The following TNKS variants were observed in gnomAD, a reference collection of about 807,000 sequenced individuals.
TNKS encodes the protein tankyrase, also known as poly [ADP-ribose] polymerase tankyrase-1.
TNKS carries 72 observed loss-of-function variants against 135.8 expected under a neutral mutation model. The observed-to-expected ratio is 0.53, with a 90% CI of 0.44 to 0.64. The LOEUF (loss-of-function observed/expected upper bound fraction) is 0.64. Among genes scored for constraint, TNKS ranks in the 30% least tolerant of loss-of-function variants. The pLI is 0.00. For missense variants in TNKS, 1,769 were observed against 1,674.0 expected, an observed-to-expected ratio of 1.06 and a Z score of -0.99; for synonymous variants, 849 against 649.3, an observed-to-expected ratio of 1.31 and a Z score of -4.68.
At chr8:9,623,925 C>G (rs193147257) in intron 3 of TNKS, among the ~76,000 whole-genome samples, 1 of 152,092 alleles carries the variant, frequency 6.6e-6, no homozygotes, top group East Asian at 1.9e-4. Flanking sequence ...TTGCTTGAAC[C>G]CGGGAGGCAG....
At chr8:9,647,875 A>G (rs1800975043) in intron 3 of TNKS, among the ~76,000 whole-genome samples, 1 of 152,234 alleles carries the variant, frequency 6.6e-6, no homozygotes, top group Non-Finnish European at 1.5e-5. Flanking sequence ...TAGATGGTAT[A>G]GCGTACTACA....
At chr8:9,617,459 C>T (rs1458088573) in intron 3 of TNKS, among the ~76,000 whole-genome samples, 1 of 152,176 alleles carries the variant, frequency 6.6e-6, no homozygotes, top group Non-Finnish European at 1.5e-5. Flanking sequence ...AAATGATCTA[C>T]AGCTTTTCAG....
Position 9,764,721 on chromosome 8 carries a change from A to G in TNKS, c.3378A>G (p.Gln1126=). ...KEYQSVEEEM[Q]STIREHRDGG... is the part of the protein sequence containing the mutation. ...TTAGTTATTTTGTTCTGTAGATGCA[A>G]AGTACTATTCGAGAACACAGAGATG... The change falls in exon 23 of 27, where the codon CAA becomes CAG. Residue 1126 remains glutamine (Q), a synonymous_variant. Coordinates refer to ENST00000310430, the MANE Select transcript of TNKS (RefSeq NM_003747.3). 6.3e-7 allele frequency: 1 copy of G among 1,594,990 alleles called. No individual in the cohort carries two copies.
intron 5 of TNKS, among the ~76,000 whole-genome samples, chr8:9,682,503 A>G (rs913455524): frequency 6.6e-6 from 1 of 152,136 alleles, no homozygotes; most frequent in Non-Finnish European, 1.5e-5. Flanking sequence ...TACTTCCTTT[A>G]ACTAGAACCA....
chr8:9,698,288 G>C (rs554868809), intron 5 of TNKS, among the ~76,000 whole-genome samples: 78 of 148,930 alleles, frequency 5.2e-4, no homozygotes, highest in African/African-American at 1.9e-3. Flanking sequence ...CTACCTATTG[G>C]GTACCATGCT....
intron 13 of TNKS, among the ~76,000 whole-genome samples, chr8:9,729,567 G>T: frequency 6.6e-6 from 1 of 152,206 alleles, no homozygotes; most frequent in South Asian, 2.1e-4. Context: ...GTAGCAGAAA[G>T]ACTAAGAGGT....
At chr8:9,719,183 G>C (rs75728252) in intron 11 of TNKS, among the ~76,000 whole-genome samples, 1,826 of 152,190 alleles carry the variant, frequency 0.012, 38 homozygotes, top group African/African-American at 0.041. Flanking sequence ...TGGGAGTTTT[G>C]TGAAAGACCA....
intron 11 of TNKS, among the ~76,000 whole-genome samples, chr8:9,712,967 G>A (rs1207261420): frequency 5.3e-5 from 8 of 152,000 alleles, no homozygotes; most frequent in South Asian, 2.1e-4. Context: ...TTCTCTTTGT[G>A]TAAGTTTTAT....
chr8:9,573,972 T>A (rs1010618443), intron 1 of TNKS, among the ~76,000 whole-genome samples: 1 of 152,188 alleles, frequency 6.6e-6, no homozygotes, highest in Non-Finnish European at 1.5e-5. Flanking sequence ...ATGCTGAACA[T>A]AAGTGAATGG....
intron 6 of TNKS, 106 bp from the exon 7 acceptor site, chr8:9,706,081 T>TTTTAAAATA: frequency 3.1e-6 from 2 of 643,696 alleles, no homozygotes; most frequent in Non-Finnish European, 4.9e-6. Context: ...CTTTTAAATA[T>TTTTAAAATA]TTTAAAATAA....
At chr8:9,770,632 C>A (rs527701926) in intron 26 of TNKS, among the ~76,000 whole-genome samples, 2 of 151,702 alleles carry the variant, frequency 1.3e-5, no homozygotes, top group Admixed American at 1.3e-4. Flanking sequence ...CAGGATTTGT[C>A]CAAAAACAAA....
intron 25 of TNKS, among the ~76,000 whole-genome samples, chr8:9,768,144 A>G (rs1807578056): frequency 6.6e-6 from 1 of 152,142 alleles, no homozygotes; most frequent in African/African-American, 2.4e-5. Flanking sequence ...AATTAGACAC[A>G]CAAGTTTAAG....
At chr8:9,773,577 A>G (rs1262715882) in intron 26 of TNKS, among the ~76,000 whole-genome samples, 2 of 152,194 alleles carry the variant, frequency 1.3e-5, no homozygotes, top group Admixed American at 1.3e-4. Context: ...CAAAGAAATA[A>G]TAAGGAATAC....
Position 9,594,397 on chromosome 8 carries a change from A to G in TNKS, c.898+14014A>G, listed in dbSNP as rs1369276348. Among the ~76,000 whole-genome samples, 3 of 152,188 alleles carry G rather than the reference A, an allele frequency of 2.0e-5. No homozygotes were observed. In the East Asian group the frequency reaches 5.8e-4, roughly 29 times the overall value. On this transcript the variant is annotated intron_variant, in intron 2 of 26. Transcript: ENST00000310430. ...AAATCAATTACAGTTTTAAAAATTAAAAATTTAGTTTCTCAGTTGCACTAG... is the reference window on the plus strand; with the variant it reads ...AAATCAATTACAGTTTTAAAAATTAGAAATTTAGTTTCTCAGTTGCACTAG...
chr8:9,720,293 TCA>T, intron 11 of TNKS, 79 bp from the exon 12 acceptor site: 3 of 1,295,028 alleles, frequency 2.3e-6, no homozygotes, highest in Non-Finnish European at 3.1e-6. Context: ...GATTTTTTTT[TCA>T]TAAGAATGTA....
chr8:9,728,518 A>T (rs1805265162), intron 13 of TNKS, among the ~76,000 whole-genome samples: 1 of 152,226 alleles, frequency 6.6e-6, no homozygotes, highest in Non-Finnish European at 1.5e-5. Context: ...CAGTATTCTG[A>T]CAAATAGAAT....
intron 1 of TNKS, among the ~76,000 whole-genome samples, chr8:9,574,604 A>G (rs191315211): frequency 9.2e-4 from 140 of 152,328 alleles, no homozygotes; most frequent in African/African-American, 3.0e-3. Flanking sequence ...ATGAAACCCA[A>G]TCTTCTTACC....
At chr8:9,678,030 G>A (rs1271006319) in intron 3 of TNKS, among the ~76,000 whole-genome samples, 1 of 152,068 alleles carries the variant, frequency 6.6e-6, no homozygotes, top group Non-Finnish European at 1.5e-5. Flanking sequence ...TGGCTGGTAA[G>A]CTCTCTAACA....
At chr8:9,646,162 C>T (rs1353065461) in intron 3 of TNKS, among the ~76,000 whole-genome samples, 2 of 152,094 alleles carry the variant, frequency 1.3e-5, no homozygotes, top group Non-Finnish European at 2.9e-5. Flanking sequence ...TGCTTACTTA[C>T]ATTGCTTGCA....
Sources: allele counts gnomAD v4.1 joint callset (sites outside exome capture counted in the v4.1 genomes callset), GRCh38; gene constraint gnomAD v4.1.1; transcripts MANE v1.5; gene names NCBI Gene and HGNC (gene_info 2026-07-23, HGNC 2026-07-21).